DGKA: variants seen among roughly 807,000 people sequenced by gnomAD.
DGKA encodes 80 kDa diacylglycerol kinase.
Under a neutral mutation model 105.0 loss-of-function variants are expected in DGKA, and 35 were observed. The ratio of observed to expected loss-of-function variants is 0.33; its 90% confidence interval spans 0.25 to 0.44. DGKA has a LOEUF of 0.44. Ranked by LOEUF, DGKA falls within the 20% of genes least tolerant of loss-of-function variation. The pLI is 1.00. For missense variants in DGKA, 665 were observed against 915.0 expected, an observed-to-expected ratio of 0.73 and a Z score of 3.53; for synonymous variants, 296 against 332.0, an observed-to-expected ratio of 0.89 and a Z score of 1.18.
At chr12:55,941,868 A>G in intron 15 of DGKA, 130 bp from the exon 16 acceptor site, 1 of 1,002,270 alleles carries the variant, frequency 1.0e-6, no homozygotes, top group South Asian at 1.4e-5. Context: ...CCTTCATAGA[A>G]ACTCAAGTCT....
At chr12:55,937,611 T>C in intron 4 of DGKA, 68 bp downstream of exon 4, 2 of 1,572,588 alleles carry the variant, frequency 1.3e-6, no homozygotes, top group South Asian at 1.2e-5. Flanking sequence ...GGATTTGGGG[T>C]TGAGAATTAA....
chr12:55,952,196 C>A lies in DGKA; in HGVS notation c.1652+97C>A. 1 of 1,552,576 alleles carries A rather than the reference C, an allele frequency of 6.4e-7. No individual in the cohort carries two copies. The highest frequency in any genetic ancestry group is 8.9e-7 in the Non-Finnish European group (1 of 1,125,516). Reference sequence around the variant, plus strand: ...ATTGCTCAGAAGAACAGTGGCACCTCTAGGAGGTCCCCCCAACCAAAGCCA... The same window carrying A: ...ATTGCTCAGAAGAACAGTGGCACCTATAGGAGGTCCCCCCAACCAAAGCCA... On this transcript the variant is annotated intron_variant, in intron 19 of 23. Coordinates refer to ENST00000331886, the MANE Select transcript of DGKA (RefSeq NM_001345.5). The surrounding 1 kb of genome is among the most constrained non-coding windows in gnomAD (Gnocchi z 5.1).
At chr12:55,929,715 C>T (rs1026342223), upstream of DGKA, 1 of 152,178 alleles carries the variant, frequency 6.6e-6, no homozygotes, top group Non-Finnish European at 1.5e-5. Flanking sequence ...AGGCATTAAA[C>T]GCCTCCTTCT....
rs1344065318 is a variant in DGKA at position 55,932,789 on chromosome 12, C to T, written c.-82+1445C>T. 4 of 563,000 alleles carry T rather than the reference C, an allele frequency of 7.1e-6. No homozygotes were observed. The highest frequency in any genetic ancestry group is 3.1e-5 in the Admixed American group (1 of 32,766). The allele number at this position is 563,000 out of a possible 1,614,324, so 34.9% of individuals were successfully genotyped here. A position where few individuals can be genotyped will look rare whatever the true frequency, so the allele number is the denominator to read the frequency against. ...CTGCAGTCTTCAGTGTTTGTGGAGGCTTAATAAGTTTTGAGGCTTCAAGCA... is the reference window on the plus strand; with the variant it reads ...CTGCAGTCTTCAGTGTTTGTGGAGGTTTAATAAGTTTTGAGGCTTCAAGCA... On this transcript the variant is annotated intron_variant, in intron 1 of 23. Transcript: ENST00000331886. The surrounding 1 kb of genome is among the most constrained non-coding windows in gnomAD (Gnocchi z 4.3).
chr12:55,952,273 C>G lies in DGKA; in HGVS notation c.1653-68C>G, dbSNP rs557562032. On this transcript the variant is annotated intron_variant, in intron 19 of 23. Coordinates refer to ENST00000331886, the MANE Select transcript of DGKA (RefSeq NM_001345.5). The surrounding 1 kb of genome is among the most constrained non-coding windows in gnomAD (Gnocchi z 5.1). ...AGGAGGTTGATGCCCTTCCCTGTCA[C>G]GTACCACCCCTGCCAGCACTGTGTA... is the stretch of plus-strand genomic sequence containing the variant. The G allele has an allele frequency of 6.9e-4, 1,070 of 1,548,798 alleles. 1 individual carries two copies. The highest frequency in any genetic ancestry group is 9.0e-4 in the Non-Finnish European group (1,014 of 1,120,740).
rs772322945 is a variant in DGKA, at chr12:55,942,209, G to T, written c.1372G>T (p.Val458Leu). ...CTTGCCAGTTTTGCCTCCTGTTGCT[G>T]TGTTGCCCCTGGGTACTGGAAATGA... The part of the protein sequence containing the change: ...ANLPVLPPVA[V>L]LPLGTGNDLA... The change falls in exon 17 of 24, where the codon GTG becomes TTG. Residue 458 changes from valine (V) to leucine (L), a missense_variant. By Grantham distance (32) the Val-to-Leu change is conservative. This residue lies in a region of DGKA where 504 missense variants were observed against 681.2 expected (regional missense o/e 0.74). Coordinates refer to ENST00000331886, the MANE Select transcript of DGKA (RefSeq NM_001345.5). 1.9e-6 allele frequency: 3 copies of T among 1,614,112 alleles called. No homozygotes were observed. The highest frequency in any genetic ancestry group is 2.5e-6 in the Non-Finnish European group (3 of 1,180,046).
rs567845679 is a variant in DGKA, at chr12:55,951,573, G to A, written c.1427-50G>A. ...TTGTGGAGCTGGGAGCTGAGAAGAG[G>A]CCTCTCTGGGACCCAGAGCTCAGTG... On this transcript the variant is annotated intron_variant, in intron 17 of 23. Transcript: ENST00000331886. The A allele has an allele frequency of 2.5e-6, 4 of 1,572,422 alleles. No homozygotes were observed. In the East Asian group the frequency reaches 6.7e-5, roughly 27 times the overall value.
intron 17 of DGKA, among the ~76,000 whole-genome samples, chr12:55,950,866 A>T (rs1474744153): frequency 6.6e-6 from 1 of 152,110 alleles, no homozygotes; most frequent in Non-Finnish European, 1.5e-5. Context: ...GTCTAGTTTT[A>T]AATTTTAATA....
rs894546324 is a variant in DGKA, at chr12:55,953,845, A to G, written c.*77A>G. 28 of 1,315,646 alleles carry G rather than the reference A, an allele frequency of 2.1e-5. No homozygotes were observed. Among genetic ancestry groups the G allele is most frequent in the Middle Eastern group, 3.6e-4 (2 of 5,494 alleles). The allele number at this position is 1,315,646 out of a possible 1,614,324, so 81.5% of individuals were successfully genotyped here. A position where few individuals can be genotyped will look rare whatever the true frequency, so the allele number is the denominator to read the frequency against. ...GGACTCTACTCCCGAGGCTCTGTAC[A>G]TTGCTGCCACATACTCCTGCCAGCT... On this transcript the variant is annotated 3_prime_UTR_variant, in exon 24 of 24. Coordinates refer to ENST00000331886, the MANE Select transcript of DGKA (RefSeq NM_001345.5).
At position 55,936,106 on chromosome 12, in the gene DGKA, A is replaced by T. The variant is rs114913774; in HGVS notation, c.-81-317A>T. On this transcript the variant is annotated intron_variant, in intron 1 of 23. Transcript: ENST00000331886. Reference sequence around the variant, plus strand: ...GGGACACACCCACAGAAACATATATAGACTGAGAAAGCCGGGTGCGGGTGG... The same window carrying T: ...GGGACACACCCACAGAAACATATATTGACTGAGAAAGCCGGGTGCGGGTGG... The T allele has an allele frequency of 1.3e-3, 1,134 of 891,816 alleles. 15 individuals carry two copies. In the African/African-American group the frequency reaches 0.017, roughly 13 times the overall value. The allele number at this position is 891,816 out of a possible 1,614,324, so 55.2% of individuals were successfully genotyped here.
upstream of DGKA, chr12:55,927,749 C>A (rs1266637800): frequency 6.5e-7 from 1 of 1,539,608 alleles, no homozygotes; most frequent in Admixed American, 2.0e-5. Context: ...GCAGGGCTGC[C>A]GGCAGCTTCC....
rs1045463433 is a variant in DGKA, at chr12:55,932,314, C to G, written c.-82+970C>G. On this transcript the variant is annotated intron_variant, in intron 1 of 23. Coordinates refer to ENST00000331886, the MANE Select transcript of DGKA (RefSeq NM_001345.5). This position sits in a 1 kb window ranked among gnomAD's most constrained non-coding sequence, Gnocchi z 4.3. ...TGCAGCGGGAGGGCTGGGCCCGAAC[C>G]CGGTGGGTAACGTTTCCCAGACCTT... 1.8e-5 allele frequency: 10 copies of G among 558,092 alleles called. No homozygotes were observed. The African/African-American group carries it at 1.9e-4, about 11-fold the overall frequency. The allele number at this position is 558,092 out of a possible 1,614,324, so 34.6% of individuals were successfully genotyped here.
intron 17 of DGKA, 85 bp from the exon 18 acceptor site, chr12:55,951,538 C>A: frequency 1.4e-6 from 2 of 1,449,216 alleles, no homozygotes. Flanking sequence ...GGCAGAAGGC[C>A]CCTGGGAATT....
chr12:55,946,984 C>CTTTTTT (rs1233832786), intron 17 of DGKA, among the ~76,000 whole-genome samples: 6 of 127,884 alleles, frequency 4.7e-5, no homozygotes, highest in African/African-American at 1.2e-4. Context: ...TCCTTTCTTT[C>CTTTTTT]TTTTTTTTTT....
At chr12:55,930,800 A>T (rs112111687), upstream of DGKA, among the ~76,000 whole-genome samples, 2 of 151,912 alleles carry the variant, frequency 1.3e-5, no homozygotes, top group African/African-American at 4.8e-5. Flanking sequence ...AAACCCTATT[A>T]CTCAGCAGCT....
chr12:55,944,587 T>C (rs1886646971), intron 17 of DGKA, among the ~76,000 whole-genome samples: 1 of 152,144 alleles, frequency 6.6e-6, no homozygotes, highest in African/African-American at 2.4e-5. Flanking sequence ...GGAGACAGAA[T>C]AGGAAATTAC....
rs1478782214 is a variant in DGKA, at chr12:55,932,723, A to ACG, written c.-82+1380_-82+1381insGC. On this transcript the variant is annotated intron_variant, in intron 1 of 23. Coordinates refer to ENST00000331886, the MANE Select transcript of DGKA (RefSeq NM_001345.5). The surrounding 1 kb of genome is among the most constrained non-coding windows in gnomAD (Gnocchi z 4.3). ...CACACACACACGCACACACACACAC[A>ACG]CACACACACACACACACAACCCCCT... is the stretch of plus-strand genomic sequence containing the variant. The ACG allele has an allele frequency of 1.6e-6, 1 of 621,032 alleles. No homozygotes were observed. The highest frequency in any genetic ancestry group is 2.8e-5 in the East Asian group (1 of 35,792). 38.5% of individuals were successfully genotyped at this position (621,032 alleles called of 1,614,324 possible). A position where few individuals can be genotyped will look rare whatever the true frequency, so the allele number is the denominator to read the frequency against.
At position 55,932,793 on chromosome 12, in the gene DGKA, A is replaced by G. The variant is rs1883915157; in HGVS notation, c.-82+1449A>G. On this transcript the variant is annotated intron_variant, in intron 1 of 23. Transcript: ENST00000331886. This position sits in a 1 kb window ranked among gnomAD's most constrained non-coding sequence, Gnocchi z 4.3. ...AGTCTTCAGTGTTTGTGGAGGCTTA[A>G]TAAGTTTTGAGGCTTCAAGCAAATG... The G allele has an allele frequency of 5.4e-6, 3 of 559,758 alleles. No homozygotes were observed. Among genetic ancestry groups the G allele is most frequent in the Admixed American group, 3.1e-5 (1 of 32,622 alleles). The allele number at this position is 559,758 out of a possible 1,614,324, so 34.7% of individuals were successfully genotyped here.
Position 55,932,709 on chromosome 12 carries a change from G to GCGCA in DGKA, c.-82+1366_-82+1367insGCAC, listed in dbSNP as rs1491306573. 4.4e-6 allele frequency: 2 copies of GCGCA among 456,750 alleles called. No homozygotes were observed. The highest frequency in any genetic ancestry group is 4.1e-5 in the African/African-American group (2 of 48,220). 28.3% of individuals were successfully genotyped at this position (456,750 alleles called of 1,614,324 possible). On this transcript the variant is annotated intron_variant, in intron 1 of 23. Transcript: ENST00000331886. This position sits in a 1 kb window ranked among gnomAD's most constrained non-coding sequence, Gnocchi z 4.3. The stretch of plus-strand genomic sequence containing the variant: ...ACACCCTCTACACACACACACACAC[G>GCGCA]CACACACACACACACACACACACAC...
Sources: gnomAD v4.1 joint callset for allele counts (sites outside exome capture counted in the v4.1 genomes callset) on GRCh38, gnomAD v4.1.1 for gene constraint, gnomAD v4.1.1 regional missense constraint, Gnocchi (gnomAD v3.1) non-coding constraint, MANE v1.5 for transcripts, NCBI Gene and HGNC (gene_info 2026-07-23, HGNC 2026-07-21) for gene names.